The following FHIT variants were observed in gnomAD, a reference collection of about 807,000 sequenced individuals.
FHIT encodes the protein bis(5'-adenosyl)-triphosphatase.
FHIT carries 19 observed loss-of-function variants against 17.9 expected under a neutral mutation model. The observed-to-expected ratio is 1.06, with a 90% confidence interval of 0.74 to 1.56. The LOEUF is 1.56. FHIT is among the 40% of genes most tolerant of loss of function. FHIT has a pLI of 0.00. For synonymous variants in FHIT, 81 were observed against 69.7 expected, an observed-to-expected ratio of 1.16 and a Z score of -0.81; for missense variants, 248 against 189.2, an observed-to-expected ratio of 1.31 and a Z score of -1.82.
chr3:60,694,507 G>A (rs1234380833), intron 4 of FHIT, among the ~76,000 whole-genome samples: 8 of 152,134 alleles, frequency 5.3e-5, no homozygotes, highest in African/African-American at 1.7e-4. Flanking sequence ...TCAGTGTGGC[G>A]ATTCCTCAAG....
chr3:60,075,519 A>G (rs1576039074), intron 5 of FHIT, among the ~76,000 whole-genome samples: 1 of 152,144 alleles, frequency 6.6e-6, no homozygotes, highest in South Asian at 2.1e-4. Flanking sequence ...ATATTTCTCA[A>G]AGCAATGGTC....
chr3:60,976,159 T>C (rs889231538), intron 3 of FHIT, among the ~76,000 whole-genome samples: 2 of 131,924 alleles, frequency 1.5e-5, no homozygotes, highest in Non-Finnish European at 3.1e-5. Flanking sequence ...CAAGCTGGAG[T>C]GCAGTGGTGG....
intron 5 of FHIT, among the ~76,000 whole-genome samples, chr3:60,022,186 G>C (rs539907602): frequency 1.0e-4 from 15 of 149,376 alleles, no homozygotes; most frequent in African/African-American, 3.5e-4. Flanking sequence ...TAATTTTTCT[G>C]TTTTTTCAAA....
At chr3:61,054,950 C>G (rs2034164276) in intron 2 of FHIT, among the ~76,000 whole-genome samples, 1 of 152,210 alleles carries the variant, frequency 6.6e-6, no homozygotes, top group Non-Finnish European at 1.5e-5. Flanking sequence ...TTAGGGCCCA[C>G]TCATCCTTGG....
At chr3:61,041,083 T>G (rs564011360) in intron 3 of FHIT, among the ~76,000 whole-genome samples, 20 of 152,118 alleles carry the variant, frequency 1.3e-4, no homozygotes, top group Non-Finnish European at 1.2e-4. Flanking sequence ...AACCTCATAT[T>G]AAAATTTTCA....
chr3:59,873,753 A>G (rs1703027658), intron 8 of FHIT, among the ~76,000 whole-genome samples: 1 of 152,010 alleles, frequency 6.6e-6, no homozygotes, highest in Admixed American at 6.6e-5. Context: ...CCAACTGAGA[A>G]CCACTGGTCT....
rs565779812 is a variant in FHIT, at chr3:60,994,670, G to A, written c.-111+47377C>T. 3.3e-5 allele frequency among the ~76,000 whole-genome samples: 5 copies of A among 152,300 alleles called. 1 individual carries two copies. The South Asian group carries it at 8.3e-4, about 25-fold the overall frequency. ...TGGCACCGGAGATGTTGAACCTGGAGCGGAAGGGACATTGAGACCAAAATG... is the reference window on the plus strand; with the variant it reads ...TGGCACCGGAGATGTTGAACCTGGAACGGAAGGGACATTGAGACCAAAATG... On this transcript the variant is annotated intron_variant, in intron 3 of 9. Transcript: ENST00000492590.
intron 5 of FHIT, among the ~76,000 whole-genome samples, chr3:60,173,283 G>C (rs568189753): frequency 6.6e-6 from 1 of 152,050 alleles, no homozygotes; most frequent in Non-Finnish European, 1.5e-5. Context: ...GGCACACCTG[G>C]GAAGAAGGCA....
At chr3:60,449,295 T>C (rs927062964) in intron 5 of FHIT, among the ~76,000 whole-genome samples, 5 of 152,172 alleles carry the variant, frequency 3.3e-5, no homozygotes, top group Non-Finnish European at 5.9e-5. Context: ...CGAAAAGCTA[T>C]GCAACTGTGA....
intron 8 of FHIT, among the ~76,000 whole-genome samples, chr3:59,841,664 C>T (rs7647491): frequency 0.4 from 60,941 of 152,024 alleles, 14,179 homozygotes; most frequent in Admixed American, 0.53. Flanking sequence ...TCCATCTCAG[C>T]ACTGCAGCCC....
intron 4 of FHIT, among the ~76,000 whole-genome samples, chr3:60,722,525 T>C (rs898154707): frequency 5.3e-5 from 8 of 152,070 alleles, no homozygotes; most frequent in Non-Finnish European, 1.5e-5. Context: ...TTGGCCTAGG[T>C]CATTCTTTGC....
At chr3:61,105,008 A>G (rs2035948687) in intron 2 of FHIT, among the ~76,000 whole-genome samples, 1 of 152,054 alleles carries the variant, frequency 6.6e-6, no homozygotes, top group African/African-American at 2.4e-5. Context: ...ATTGAGTTTC[A>G]ATGTACTCCT....
chr3:60,115,759 A>G (rs528951065), intron 5 of FHIT, among the ~76,000 whole-genome samples: 1 of 152,194 alleles, frequency 6.6e-6, no homozygotes, highest in East Asian at 1.9e-4. Flanking sequence ...ACTTCATAAA[A>G]TGAAAAAGTA....
chr3:59,874,213 A>G (rs1703049174), intron 8 of FHIT, among the ~76,000 whole-genome samples: 1 of 152,196 alleles, frequency 6.6e-6, no homozygotes, highest in Non-Finnish European at 1.5e-5. Context: ...AAGAAGTTCA[A>G]AGCTCTCAAG....
chr3:60,569,734 T>TATATATATATATATAC (rs71092616), intron 4 of FHIT, among the ~76,000 whole-genome samples: 1,965 of 43,936 alleles, frequency 0.045, 52 homozygotes, highest in South Asian at 0.075. Flanking sequence ...ACTATATATA[T>TATATATATATATATAC]ATATATATAT....
intron 7 of FHIT, among the ~76,000 whole-genome samples, chr3:59,953,009 T>C (rs1246797234): frequency 1.3e-5 from 2 of 151,914 alleles, no homozygotes; most frequent in Non-Finnish European, 2.9e-5. Context: ...TCTGCTTGTG[T>C]CTGTCTCTCC....
intron 5 of FHIT, among the ~76,000 whole-genome samples, chr3:60,401,844 T>C (rs188218011): frequency 6.6e-6 from 1 of 152,316 alleles, no homozygotes; most frequent in Admixed American, 6.5e-5. Flanking sequence ...TGGACAAGCA[T>C]AATCTTGCAG....
At chr3:59,969,017 G>C (rs1319342935) in intron 7 of FHIT, among the ~76,000 whole-genome samples, 1 of 152,056 alleles carries the variant, frequency 6.6e-6, no homozygotes, top group African/African-American at 2.4e-5. Context: ...AACATATTTT[G>C]GGAAATATAC....
intron 4 of FHIT, among the ~76,000 whole-genome samples, chr3:60,648,855 A>C (rs2039925368): frequency 6.6e-6 from 1 of 152,130 alleles, no homozygotes; most frequent in Non-Finnish European, 1.5e-5. Context: ...CCCTCTCTTC[A>C]ATTGGAAACA....
Sources: gnomAD v4.1 joint callset for allele counts (sites outside exome capture counted in the v4.1 genomes callset) on GRCh38, gnomAD v4.1.1 for gene constraint, MANE v1.5 for transcripts, NCBI Gene and HGNC (gene_info 2026-07-23, HGNC 2026-07-21) for gene names.